The following HS2ST1 variants were observed in gnomAD, a reference collection of about 807,000 sequenced individuals.
HS2ST1 encodes 2-O-sulfotransferase.
In HS2ST1, 18 loss-of-function variants were observed where a neutral mutation model predicts 42.9. The ratio of observed to expected loss-of-function variants is 0.42; its 90% CI spans 0.29 to 0.62. The LOEUF (loss-of-function observed/expected upper bound fraction) is 0.62, where lower values mean the gene tolerates loss of function less well. Among genes scored for constraint, HS2ST1 ranks in the 20% least tolerant of loss-of-function variants. HS2ST1 has a pLI of 0.21. For missense variants in HS2ST1, 334 were observed against 433.8 expected (o/e 0.77, Z 2.04); for synonymous variants, 146 against 152.9 (o/e 0.95, Z 0.33).
In HS2ST1 at chr1:87,105,277, G is replaced by A. The variant is rs1652304472; in HGVS notation, c.*581G>A. The A allele has an allele frequency of 6.6e-6, 1 of 152,534 alleles. No homozygotes were observed. The highest frequency in any genetic ancestry group is 1.5e-5 in the Non-Finnish European group (1 of 67,984). 9.4% of individuals were successfully genotyped at this position (152,534 alleles called of 1,614,324 possible). ...AGGTGGTTTTAATTTTTTAAATGGTGATTAGTGTTAAAAATCAATTTAAAT... is the reference window on the plus strand; with the variant it reads ...AGGTGGTTTTAATTTTTTAAATGGTAATTAGTGTTAAAAATCAATTTAAAT... On this transcript the variant is annotated 3_prime_UTR_variant, in exon 7 of 7. Coordinates refer to ENST00000370550, the MANE Select transcript of HS2ST1 (RefSeq NM_012262.4).
At chr1:87,019,013 C>T (rs1649845039) in intron 1 of HS2ST1, among the ~76,000 whole-genome samples, 1 of 152,122 alleles carries the variant, frequency 6.6e-6, no homozygotes, top group African/African-American at 2.4e-5. Context: ...GCACATGTGT[C>T]TGGAATATAT....
At chr1:86,936,677 C>T (rs1456112980) in intron 1 of HS2ST1, among the ~76,000 whole-genome samples, 2 of 152,126 alleles carry the variant, frequency 1.3e-5, no homozygotes, top group African/African-American at 4.8e-5. Context: ...TTTTAGGTTT[C>T]TTACTCATTT....
chr1:86,916,874 T>G (rs536527757), intron 1 of HS2ST1, among the ~76,000 whole-genome samples: 1 of 152,340 alleles, frequency 6.6e-6, no homozygotes, highest in East Asian at 1.9e-4. Context: ...CACGTTACAG[T>G]GGGTTAGAAT....
intron 6 of HS2ST1, among the ~76,000 whole-genome samples, chr1:87,104,087 T>G (rs578217762): frequency 6.6e-6 from 1 of 152,296 alleles, no homozygotes; most frequent in Admixed American, 6.5e-5. Flanking sequence ...TTCTAACACA[T>G]AATTTTAGAG....
chr1:86,943,912 G>C (rs988251337), intron 1 of HS2ST1, among the ~76,000 whole-genome samples: 1 of 152,040 alleles, frequency 6.6e-6, no homozygotes, highest in African/African-American at 2.4e-5. Flanking sequence ...TGTAATCTCA[G>C]CTACTTGGGA....
At chr1:86,976,213 TGTCA>T (rs1167764042) in intron 1 of HS2ST1, among the ~76,000 whole-genome samples, 1 of 152,210 alleles carries the variant, frequency 6.6e-6, no homozygotes, top group African/African-American at 2.4e-5. Context: ...ATTGAGAACT[TGTCA>T]GTCATTGTAG....
intron 1 of HS2ST1, among the ~76,000 whole-genome samples, chr1:86,923,443 C>G (rs1369930685): frequency 1.3e-5 from 2 of 150,978 alleles, no homozygotes; most frequent in Admixed American, 1.3e-4. Flanking sequence ...GTCACCCAGG[C>G]TGGAGTGCAG....
intron 1 of HS2ST1, among the ~76,000 whole-genome samples, chr1:86,916,982 A>G (rs931214193): frequency 2.0e-5 from 3 of 152,188 alleles, no homozygotes; most frequent in Non-Finnish European, 4.4e-5. Context: ...TTTAAAAGAA[A>G]GTTATCTGAA....
chr1:86,960,718 G>A (rs980250863), intron 1 of HS2ST1, among the ~76,000 whole-genome samples: 1 of 152,170 alleles, frequency 6.6e-6, no homozygotes, highest in African/African-American at 2.4e-5. Flanking sequence ...TTAAACCACA[G>A]TGAGATACTA....
At chr1:87,074,639 G>A (rs537648435) in intron 2 of HS2ST1, among the ~76,000 whole-genome samples, 23 of 152,098 alleles carry the variant, frequency 1.5e-4, no homozygotes, top group African/African-American at 5.3e-4. Flanking sequence ...AGTTGCATTT[G>A]GATGAGATAA....
intron 1 of HS2ST1, among the ~76,000 whole-genome samples, chr1:87,037,692 T>G (rs1650416934): frequency 6.6e-6 from 1 of 151,928 alleles, no homozygotes; most frequent in South Asian, 2.1e-4. Context: ...TAGTACTTTT[T>G]TGGTATTTTT....
At chr1:87,026,745 A>G (rs1043064168) in intron 1 of HS2ST1, among the ~76,000 whole-genome samples, 3 of 152,074 alleles carry the variant, frequency 2.0e-5, no homozygotes, top group African/African-American at 7.2e-5. Context: ...CAGCCTCTGG[A>G]TGAATGGCAA....
At chr1:87,042,371 G>A (rs1318922406) in intron 1 of HS2ST1, among the ~76,000 whole-genome samples, 3 of 151,886 alleles carry the variant, frequency 2.0e-5, no homozygotes, top group Non-Finnish European at 4.4e-5. Context: ...TGCTTTTGAT[G>A]TCATAGCCAA....
chr1:86,999,476 C>G (rs190147473), intron 1 of HS2ST1, among the ~76,000 whole-genome samples: 2 of 152,142 alleles, frequency 1.3e-5, no homozygotes, highest in East Asian at 3.9e-4. Context: ...CCACACCTGG[C>G]CTTTTATTTT....
Position 87,103,564 on chromosome 1 carries a change from G to A in HS2ST1, c.819G>A (p.Arg273=). The change falls in exon 6 of 7, where the codon AGG becomes AGA. Residue 273 remains arginine, a synonymous_variant. Coordinates refer to ENST00000370550, the MANE Select transcript of HS2ST1 (RefSeq NM_012262.4). ...AGGCAGCATTGCCCCGGTTTTTCAG[G>A]GGTGCTACTGAACTCTATCGCACAG... ...LLEAALPRFF[R]GATELYRTGK... 1 of 1,610,644 alleles carries A rather than the reference G, an allele frequency of 6.2e-7. No homozygotes were observed. The highest frequency in any genetic ancestry group is 8.5e-7 in the Non-Finnish European group (1 of 1,178,662).
At chr1:86,983,107 C>G (rs1050480459) in intron 1 of HS2ST1, among the ~76,000 whole-genome samples, 1 of 152,164 alleles carries the variant, frequency 6.6e-6, no homozygotes, top group African/African-American at 2.4e-5. Context: ...CTGTCTTTTC[C>G]TGAGCCCTCC....
At chr1:87,050,875 T>A (rs1255019182) in intron 1 of HS2ST1, among the ~76,000 whole-genome samples, 2 of 152,144 alleles carry the variant, frequency 1.3e-5, no homozygotes, top group East Asian at 3.8e-4. Flanking sequence ...TGAGGATTAG[T>A]CAGGTGTGAT....
At chr1:86,951,540 A>G (rs1184461622) in intron 1 of HS2ST1, among the ~76,000 whole-genome samples, 1 of 81,906 alleles carries the variant, frequency 1.2e-5, no homozygotes, top group African/African-American at 3.3e-5. Flanking sequence ...CTTTATTGCT[A>G]AAAAAAATGC....
chr1:87,060,255 G>C (rs186707382), intron 1 of HS2ST1, among the ~76,000 whole-genome samples: 64 of 152,172 alleles, frequency 4.2e-4, no homozygotes, highest in Middle Eastern at 6.8e-3. Flanking sequence ...TATTTCAAAG[G>C]AATGTTGCAG....
Sources: allele counts gnomAD v4.1 joint callset (sites outside exome capture counted in the v4.1 genomes callset), GRCh38; gene constraint gnomAD v4.1.1; transcripts MANE v1.5; gene names NCBI Gene and HGNC (gene_info 2026-07-23, HGNC 2026-07-21).